The following UBE2R2 variants were observed in gnomAD, a reference collection of about 807,000 sequenced individuals.
The protein encoded by UBE2R2 is ubiquitin-conjugating enzyme E2 R2.
UBE2R2 carries 1 observed loss-of-function variant against 27.8 expected under a neutral mutation model. The observed-to-expected ratio is 0.04, with a 90% CI of 0.01 to 0.17. UBE2R2 has a LOEUF of 0.17. UBE2R2 is among the 10% of genes least tolerant of loss of function. UBE2R2 has a pLI of 1.00. For missense variants in UBE2R2, 100 were observed against 291.0 expected (o/e 0.34, Z 4.78); for synonymous variants, 106 against 113.3 (o/e 0.94, Z 0.41).
At chr9:33,900,666 T>A (rs111619449) in intron 3 of UBE2R2, among the ~76,000 whole-genome samples, 2 of 152,174 alleles carry the variant, frequency 1.3e-5, no homozygotes, top group African/African-American at 4.8e-5. Context: ...TTTTTACCTG[T>A]CGTTGTTTTG....
rs556895546 is a variant in UBE2R2, at chr9:33,906,074, CAG to C, written c.362+5804_362+5805del. ...CCATGATTATGGCGTGAAGTAAGTTCAGGTTTTGTTGTTGTTGTTGTCGTCGT... is the reference window on the plus strand; with the variant it reads ...CCATGATTATGGCGTGAAGTAAGTTCGTTTTGTTGTTGTTGTTGTCGTCGT... On this transcript the variant is annotated intron_variant, in intron 3 of 4. Transcript: ENST00000263228. 5.3e-5 allele frequency among the ~76,000 whole-genome samples: 8 copies of C among 151,990 alleles called. No individual in the cohort carries two copies. In the South Asian group the frequency reaches 1.7e-3, roughly 32 times the overall value.
intron 1 of UBE2R2, among the ~76,000 whole-genome samples, chr9:33,836,256 G>C (rs1426641040): frequency 7.2e-5 from 11 of 152,144 alleles, no homozygotes; most frequent in Non-Finnish European, 1.5e-5. Context: ...GGAGCAATAG[G>C]CTATACCATA....
At chr9:33,831,240 A>G (rs1327735227) in intron 1 of UBE2R2, among the ~76,000 whole-genome samples, 1 of 152,006 alleles carries the variant, frequency 6.6e-6, no homozygotes, top group Non-Finnish European at 1.5e-5. Context: ...CCAGGAGTTC[A>G]AGACTGGCCG....
chr9:33,835,149 T>C (rs1820588430), intron 1 of UBE2R2, among the ~76,000 whole-genome samples: 1 of 148,206 alleles, frequency 6.7e-6, no homozygotes, highest in South Asian at 2.2e-4. Context: ...GTGTAGGTTT[T>C]TTTTTTTTTT....
intron 1 of UBE2R2, among the ~76,000 whole-genome samples, chr9:33,853,561 A>AC (rs1821021018): frequency 6.6e-6 from 1 of 152,010 alleles, no homozygotes; most frequent in African/African-American, 2.4e-5. Flanking sequence ...CTGAGATTAC[A>AC]GGTGTGAGCC....
chr9:33,866,909 T>C (rs973727787), intron 1 of UBE2R2, among the ~76,000 whole-genome samples: 2 of 152,228 alleles, frequency 1.3e-5, no homozygotes, highest in Non-Finnish European at 2.9e-5. Flanking sequence ...ACTCTGTGGC[T>C]TGCTTGTTCC....
intron 1 of UBE2R2, among the ~76,000 whole-genome samples, chr9:33,848,003 C>T (rs1190144109): frequency 2.6e-5 from 4 of 152,060 alleles, no homozygotes; most frequent in African/African-American, 9.7e-5. Flanking sequence ...GATCCACCCG[C>T]CTCTGACTCC....
At chr9:33,863,289 C>T (rs773965508) in intron 1 of UBE2R2, among the ~76,000 whole-genome samples, 2 of 151,600 alleles carry the variant, frequency 1.3e-5, no homozygotes, top group Non-Finnish European at 2.9e-5. Context: ...TTTTGGAGCC[C>T]AGGGCAGATT....
At chr9:33,894,117 C>T (rs1305726785) in intron 2 of UBE2R2, among the ~76,000 whole-genome samples, 1 of 152,046 alleles carries the variant, frequency 6.6e-6, no homozygotes, top group African/African-American at 2.4e-5. Flanking sequence ...TACATCCTTA[C>T]CAACACTTGT....
rs147446341 is a variant in UBE2R2 at position 33,838,849 on chromosome 9, G to A, written c.177+20915G>A. On this transcript the variant is annotated intron_variant, in intron 1 of 4. Coordinates refer to ENST00000263228, the MANE Select transcript of UBE2R2 (RefSeq NM_017811.4). ...TGTAATCCCAGCACTTTGGGAGGCC[G>A]AGGTGGGTGGATCACCTGAGATGAA... Among the ~76,000 whole-genome samples the A allele has an allele frequency of 6.1e-3, 927 of 152,006 alleles. 9 individuals carry two copies. The highest frequency in any genetic ancestry group is 0.021 in the African/African-American group (875 of 41,444).
chr9:33,888,805 C>T (rs1288207309), intron 2 of UBE2R2, among the ~76,000 whole-genome samples: 1 of 152,220 alleles, frequency 6.6e-6, no homozygotes, highest in East Asian at 1.9e-4. Flanking sequence ...GGTAAGCCAC[C>T]ATGCCCGGCC....
At chr9:33,893,205 A>G (rs892885848) in intron 2 of UBE2R2, among the ~76,000 whole-genome samples, 4 of 152,250 alleles carry the variant, frequency 2.6e-5, no homozygotes, top group Non-Finnish European at 5.9e-5. Flanking sequence ...TACACTACAT[A>G]TGAAGTAATT....
intron 1 of UBE2R2, among the ~76,000 whole-genome samples, chr9:33,847,390 C>T (rs1401931001): frequency 2.6e-5 from 4 of 152,014 alleles, no homozygotes; most frequent in South Asian, 2.1e-4. Flanking sequence ...CCACTGCGCC[C>T]GGCCCTGGCT....
intron 1 of UBE2R2, among the ~76,000 whole-genome samples, chr9:33,878,391 G>T (rs1019145043): frequency 1.3e-5 from 2 of 152,162 alleles, no homozygotes; most frequent in African/African-American, 4.8e-5. Flanking sequence ...TGAGGCAGGA[G>T]GATCATTGAG....
chr9:33,869,845 TTTG>T (rs1821446721), intron 1 of UBE2R2, among the ~76,000 whole-genome samples: 1 of 151,984 alleles, frequency 6.6e-6, no homozygotes, highest in Non-Finnish European at 1.5e-5. Flanking sequence ...TTGTTTTGTT[TTTG>T]TTTTTTTATT....
chr9:33,851,379 C>G (rs560506863), intron 1 of UBE2R2, among the ~76,000 whole-genome samples: 1 of 152,126 alleles, frequency 6.6e-6, no homozygotes, highest in Non-Finnish European at 1.5e-5. Context: ...TTAGTTTTGT[C>G]AGTTATAATA....
chr9:33,820,494 T>G (rs1295145488), intron 1 of UBE2R2, among the ~76,000 whole-genome samples: 1 of 152,210 alleles, frequency 6.6e-6, no homozygotes, highest in Non-Finnish European at 1.5e-5. Flanking sequence ...AAGGCAAATT[T>G]ATGGTCATGA....
intron 3 of UBE2R2, among the ~76,000 whole-genome samples, chr9:33,905,305 G>T (rs2130814574): frequency 6.6e-6 from 1 of 152,336 alleles, no homozygotes; most frequent in South Asian, 2.1e-4. Context: ...CTTAAGAACA[G>T]AGAGCCAGAG....
At chr9:33,891,607 A>G (rs1198890878) in intron 2 of UBE2R2, among the ~76,000 whole-genome samples, 2 of 152,050 alleles carry the variant, frequency 1.3e-5, no homozygotes, top group Non-Finnish European at 2.9e-5. Flanking sequence ...AGATTGCACC[A>G]CTGCACTCCA....
Sources: gnomAD v4.1 joint callset for allele counts (sites outside exome capture counted in the v4.1 genomes callset) on GRCh38, gnomAD v4.1.1 for gene constraint, MANE v1.5 for transcripts, NCBI Gene and HGNC (gene_info 2026-07-23, HGNC 2026-07-21) for gene names.